Variants in DNAJA1 observed in about 807,000 individuals in gnomAD.
The protein encoded by DNAJA1 is DnaJ heat shock protein family (Hsp40) member A1.
Under a neutral mutation model 47.6 loss-of-function variants are expected in DNAJA1, and 26 were observed. That is an observed-to-expected ratio of 0.55 (90% CI 0.40 to 0.76). DNAJA1 has a LOEUF of 0.76. Ranked by LOEUF, DNAJA1 falls within the 30% of genes least tolerant of loss-of-function variation. DNAJA1 has a pLI of 0.00. For missense variants in DNAJA1, 315 were observed against 485.0 expected (o/e 0.65, Z 3.29); for synonymous variants, 165 against 158.4 (o/e 1.04, Z -0.31).
At chr9:33,036,795 CT>C (rs1414626649) in intron 7 of DNAJA1, 106 bp downstream of exon 7, 2 of 878,146 alleles carry the variant, frequency 2.3e-6, no homozygotes, top group Non-Finnish European at 3.5e-6. Flanking sequence ...CATTGTTTTT[CT>C]TTCTCGGTTA....
chr9:33,030,308 C>A, intron 4 of DNAJA1, 132 bp from the exon 5 acceptor site: 1 of 801,148 alleles, frequency 1.2e-6, no homozygotes, highest in Non-Finnish European at 2.0e-6. Context: ...ATCAGTTGTA[C>A]ATTCAGAGGG....
At position 33,038,940 on chromosome 9, in the gene DNAJA1, G is replaced by A. The variant is rs1330186885; in HGVS notation, c.*37G>A. 6.5e-7 allele frequency: 1 copy of A among 1,543,308 alleles called. No homozygotes were observed. Among genetic ancestry groups the A allele is most frequent in the Non-Finnish European group, 8.9e-7 (1 of 1,129,294 alleles). ...ATAACACTCACTGCTGGCATTTAAT[G>A]TGCAGTAGTGAATGAGTGAAGGACT... On this transcript the variant is annotated 3_prime_UTR_variant, in exon 9 of 9. Coordinates refer to ENST00000330899, the MANE Select transcript of DNAJA1 (RefSeq NM_001539.4).
At chr9:33,028,115 C>T (rs541481534) in intron 3 of DNAJA1, among the ~76,000 whole-genome samples, 1 of 151,308 alleles carries the variant, frequency 6.6e-6, no homozygotes, top group African/African-American at 2.4e-5. Context: ...TGTTCCCTCA[C>T]TCCCCAAAGG....
Position 33,026,877 on chromosome 9 carries a change from A to G in DNAJA1, c.197A>G (p.Lys66Arg). 6.2e-7 allele frequency: 1 copy of G among 1,614,200 alleles called. No homozygotes were observed. Among genetic ancestry groups the G allele is most frequent in the African/African-American group, 1.3e-5 (1 of 75,034 alleles). ...GCAAAGAAAAGGGAATTATATGACA[A>G]AGGAGGAGAACAGGCAATTAAAGAG... is the stretch of plus-strand genomic sequence containing the variant. The part of the protein sequence containing the change: ...SDAKKRELYD[K>R]GGEQAIKEGG... The change falls in exon 3 of 9, where the codon AAA becomes AGA. Residue 66 changes from lysine (K) to arginine (R), a missense_variant. This residue lies in a region of DNAJA1 where 100 missense variants were observed against 163.0 expected (regional missense o/e 0.61). Transcript: ENST00000330899.
At chr9:33,032,805 A>G (rs1362388062) in intron 5 of DNAJA1, among the ~76,000 whole-genome samples, 2 of 152,128 alleles carry the variant, frequency 1.3e-5, no homozygotes, top group Admixed American at 1.3e-4. Context: ...TTTGTGGGTT[A>G]ATGGATATAG....
chr9:33,025,345 C>T lies in DNAJA1; in HGVS notation c.-49C>T, dbSNP rs1392317096. On this transcript the variant is annotated 5_prime_UTR_variant, in exon 1 of 9. Coordinates refer to ENST00000330899, the MANE Select transcript of DNAJA1 (RefSeq NM_001539.4). ...CCCCGGCTGCGCACAGCTCGGCGCTCCTTCCCGCTCCCTCACACACCGGCC... is the reference window on the plus strand; with the variant it reads ...CCCCGGCTGCGCACAGCTCGGCGCTTCTTCCCGCTCCCTCACACACCGGCC... 1.3e-5 allele frequency: 2 copies of T among 152,522 alleles called. No homozygotes were observed. Among genetic ancestry groups the T allele is most frequent in the African/African-American group, 4.8e-5 (2 of 41,460 alleles). 9.4% of individuals were successfully genotyped at this position (152,522 alleles called of 1,614,324 possible). A position where few individuals can be genotyped will look rare whatever the true frequency, so the allele number is the denominator to read the frequency against.
chr9:33,034,309 A>G lies in DNAJA1; in HGVS notation c.737A>G (p.Lys246Arg). 1 of 1,609,418 alleles carries G rather than the reference A, an allele frequency of 6.2e-7. No homozygotes were observed. The highest frequency in any genetic ancestry group is 8.5e-7 in the Non-Finnish European group (1 of 1,178,616). The change falls in exon 6 of 9, where the codon AAG becomes AGG. Residue 246 changes from lysine (K) to arginine (R), a missense_variant. Lys to Arg is a conservative substitution (Grantham distance 26). Transcript: ENST00000330899. The part of the protein sequence containing the change: ...PGDIIIVLDQ[K>R]DHAVFTRRGE... The stretch of plus-strand genomic sequence containing the variant: ...GATATTATCATTGTGTTAGATCAGA[A>G]GGACCATGCTGTTTTTACTCGGTAA...
In DNAJA1 at chr9:33,037,240, G is replaced by T. The variant is rs544486821; in HGVS notation, c.975+125G>T. 8.6e-4 allele frequency: 591 copies of T among 685,396 alleles called. 9 individuals are homozygous for T. In the South Asian group the frequency reaches 0.012, roughly 13 times the overall value. 42.5% of individuals were successfully genotyped at this position (685,396 alleles called of 1,614,324 possible). A position where few individuals can be genotyped will look rare whatever the true frequency, so the allele number is the denominator to read the frequency against. On this transcript the variant is annotated intron_variant, in intron 8 of 8. Transcript: ENST00000330899. ...TAATCCCCGCATTTTGAGAGGCTGAGGCAGGAGGATCCCTTGAGCCCTGGA... is the reference window on the plus strand; with the variant it reads ...TAATCCCCGCATTTTGAGAGGCTGATGCAGGAGGATCCCTTGAGCCCTGGA...
At chr9:33,027,684 T>A (rs1356067509) in intron 3 of DNAJA1, among the ~76,000 whole-genome samples, 5 of 151,876 alleles carry the variant, frequency 3.3e-5, no homozygotes, top group Non-Finnish European at 1.5e-5. Flanking sequence ...AAACCCCATC[T>A]CTACAAAACT....
At chr9:33,036,549 T>G (rs367641374) in intron 6 of DNAJA1, 25 bp from the exon 7 acceptor site, 13 of 1,474,468 alleles carry the variant, frequency 8.8e-6, no homozygotes, top group Non-Finnish European at 1.2e-5. Context: ...TTGAAAAATA[T>G]AAATATGTGT....
At position 33,039,546 on chromosome 9, in the gene DNAJA1, TAC is replaced by T. The variant is rs146004118; in HGVS notation, c.*645_*646del. On this transcript the variant is annotated 3_prime_UTR_variant, in exon 9 of 9. Transcript: ENST00000330899. ...TTCTGCTGTGCCATTCATATATATATACATATATATATATAATCTTGACCAGT... is the reference window on the plus strand; with the variant it reads ...TTCTGCTGTGCCATTCATATATATATATATATATATATAATCTTGACCAGT... 546 of 140,152 alleles carry T rather than the reference TAC, an allele frequency of 3.9e-3. 42 individuals carry two copies. The highest frequency in any genetic ancestry group is 9.6e-3 in the African/African-American group (381 of 39,772). The allele number at this position is 140,152 out of a possible 1,614,324, so 8.7% of individuals were successfully genotyped here. A position where few individuals can be genotyped will look rare whatever the true frequency, so the allele number is the denominator to read the frequency against.
At chr9:33,030,228 C>T (rs1211476297) in intron 4 of DNAJA1, among the ~76,000 whole-genome samples, 2 of 144,350 alleles carry the variant, frequency 1.4e-5, no homozygotes, top group South Asian at 4.3e-4. Context: ...AGTTTGGTAT[C>T]TTTTTTGTAA....
At position 33,038,903 on chromosome 9, in the gene DNAJA1, A is replaced by G. The variant is rs1375108142; in HGVS notation, c.1194A>G (p.Ter398=). The G allele has an allele frequency of 5.0e-6, 8 of 1,609,638 alleles. No individual in the cohort carries two copies. Among genetic ancestry groups the G allele is most frequent in the Admixed American group, 1.7e-5 (1 of 59,482 alleles). The stretch of plus-strand genomic sequence containing the variant: ...GTGGTGTTCAGTGTCAGACCTCTTA[A>G]TGGGCCAGTGAATAACACTCACTGC... The part of the protein sequence containing the change: ...PRGGVQCQTS[*] The change falls in exon 9 of 9, where the codon TAA becomes TAG. Residue 398 remains the stop codon, a stop_retained_variant. Coordinates refer to ENST00000330899, the MANE Select transcript of DNAJA1 (RefSeq NM_001539.4).
At chr9:33,036,798 T>G (rs994329116) in intron 7 of DNAJA1, 109 bp downstream of exon 7, 1 of 870,482 alleles carries the variant, frequency 1.1e-6, no homozygotes. Flanking sequence ...TGTTTTTCTT[T>G]CTCGGTTACA....
At chr9:33,027,069 T>G in intron 3 of DNAJA1, 79 bp downstream of exon 3, 1 of 1,529,940 alleles carries the variant, frequency 6.5e-7, no homozygotes, top group Non-Finnish European at 8.9e-7. Context: ...TCACCCATTT[T>G]AAATGCTTGT....
At position 33,037,064 on chromosome 9, in the gene DNAJA1, G is replaced by T; in HGVS notation, c.924G>T (p.Met308Ile). ...GDIKCVLNEG[M>I]PIYRRPYEKG... ...TCAAGTGTGTACTAAATGAAGGCAT[G>T]CCAATTTATCGTAGACCATATGAAA... The change falls in exon 8 of 9, where the codon ATG (methionine) becomes ATT (isoleucine). Residue 308 changes from methionine (M) to isoleucine (I), a missense_variant. Physicochemically the swap from Met to Ile is conservative, Grantham distance 10 (BLOSUM62 1). Around this residue, in one of 4 missense-constraint regions of DNAJA1, gnomAD observed 162 missense variants for 185.4 expected, o/e 0.87. Coordinates refer to ENST00000330899, the MANE Select transcript of DNAJA1 (RefSeq NM_001539.4). 3.1e-6 allele frequency: 5 copies of T among 1,614,054 alleles called. No homozygotes were observed. The highest frequency in any genetic ancestry group is 4.2e-6 in the Non-Finnish European group (5 of 1,179,992).
At chr9:33,026,352 GA>G in intron 1 of DNAJA1, 122 bp from the exon 2 acceptor site, 1 of 992,748 alleles carries the variant, frequency 1.0e-6, no homozygotes, top group East Asian at 3.1e-5. Context: ...CCTTTTTGGT[GA>G]AATTTAGGGA....
At chr9:33,034,958 A>G (rs1466581462) in intron 6 of DNAJA1, among the ~76,000 whole-genome samples, 1 of 151,590 alleles carries the variant, frequency 6.6e-6, no homozygotes, top group South Asian at 2.1e-4. Context: ...AGGCTGAGGC[A>G]GAAGAGTGGC....
chr9:33,025,746 C>G (rs1003299645), intron 1 of DNAJA1, among the ~76,000 whole-genome samples: 1 of 151,718 alleles, frequency 6.6e-6, no homozygotes, highest in Non-Finnish European at 1.5e-5. Context: ...CACAGGGAGG[C>G]AGGGGCGAGG....
Sources: allele counts gnomAD v4.1 joint callset (sites outside exome capture counted in the v4.1 genomes callset), GRCh38; gene constraint gnomAD v4.1.1; regional missense constraint gnomAD v4.1.1; transcripts MANE v1.5; gene names NCBI Gene and HGNC (gene_info 2026-07-23, HGNC 2026-07-21).